SFMBT2: variants seen among roughly 807,000 people sequenced by gnomAD.
SFMBT2 encodes Scm like with four mbt domains 2, also known as scm-like with four MBT domains protein 2.
SFMBT2 carries 38 observed loss-of-function variants against 110.1 expected under a neutral mutation model. That is an observed-to-expected ratio of 0.35 (90% CI 0.27 to 0.45). The LOEUF (loss-of-function observed/expected upper bound fraction) is 0.45. SFMBT2 is among the 20% of genes least tolerant of loss of function. SFMBT2 has a pLI of 1.00. For missense variants in SFMBT2, 1,011 were observed against 1,094.9 expected (o/e 0.92, Z 1.08); for synonymous variants, 425 against 425.4 (o/e 1.00, Z 0.01).
intron 16 of SFMBT2, among the ~76,000 whole-genome samples, chr10:7,187,046 G>A (rs1838437376): frequency 6.6e-6 from 1 of 152,196 alleles, no homozygotes; most frequent in South Asian, 2.1e-4. Context: ...TATCAGGCTG[G>A]ATTTAATAAA....
intron 15 of SFMBT2, among the ~76,000 whole-genome samples, chr10:7,190,868 T>C (rs1180658491): frequency 1.3e-5 from 2 of 149,558 alleles, no homozygotes; most frequent in East Asian, 1.9e-4. Context: ...ATAATTCCCA[T>C]GTGTTGTGGG....
At chr10:7,226,231 G>C (rs151046001) in intron 10 of SFMBT2, among the ~76,000 whole-genome samples, 2 of 152,214 alleles carry the variant, frequency 1.3e-5, no homozygotes, top group Admixed American at 1.3e-4. Flanking sequence ...GAGAGAACTC[G>C]ACTGAGATTT....
At position 7,268,519 on chromosome 10, in the gene SFMBT2, T is replaced by C. The variant is rs935415118; in HGVS notation, c.870+8373A>G. Among the ~76,000 whole-genome samples, 10 of 152,176 alleles carry C rather than the reference T, an allele frequency of 6.6e-5. No individual in the cohort carries two copies. The South Asian group carries it at 2.1e-3, about 32-fold the overall frequency. ...GTCAAAGAAAGGTTTTATCTAATTT[T>C]TTTTTTTTTGAGACAGAGTCTCGCT... On this transcript the variant is annotated intron_variant, in intron 7 of 20. Coordinates refer to ENST00000397167, the MANE Select transcript of SFMBT2 (RefSeq NM_001387889.1).
chr10:7,321,358 C>A (rs566763679), intron 4 of SFMBT2, among the ~76,000 whole-genome samples: 11 of 152,112 alleles, frequency 7.2e-5, no homozygotes, highest in Admixed American at 7.2e-4. Flanking sequence ...CCCGCCAACA[C>A]GCCCGGCTAA....
At chr10:7,319,721 A>T (rs907834787) in intron 4 of SFMBT2, among the ~76,000 whole-genome samples, 2 of 151,480 alleles carry the variant, frequency 1.3e-5, no homozygotes, top group African/African-American at 4.9e-5. Context: ...ACTGAAAGAG[A>T]CAGAGAGAGA....
At chr10:7,228,740 C>CTT (rs1840011388) in intron 9 of SFMBT2, among the ~76,000 whole-genome samples, 13 of 32,694 alleles carry the variant, frequency 4.0e-4, no homozygotes, top group East Asian at 3.5e-3. Context: ...TCTTTCCTTT[C>CTT]TCTCTCTCTC....
At chr10:7,387,702 G>A (rs527877164) in intron 1 of SFMBT2, among the ~76,000 whole-genome samples, 23 of 151,662 alleles carry the variant, frequency 1.5e-4, no homozygotes, top group Admixed American at 6.6e-4. Context: ...AGGCTGAAGC[G>A]GGCAGATCAC....
At chr10:7,226,196 G>C (rs1019594405) in intron 10 of SFMBT2, among the ~76,000 whole-genome samples, 6 of 152,202 alleles carry the variant, frequency 3.9e-5, no homozygotes, top group African/African-American at 1.2e-4. Context: ...CAGGTGCCAG[G>C]CAGGCTCCAA....
intron 9 of SFMBT2, among the ~76,000 whole-genome samples, chr10:7,234,270 C>T (rs1432035151): frequency 6.6e-6 from 1 of 151,764 alleles, no homozygotes; most frequent in Non-Finnish European, 1.5e-5. Context: ...ATAATATAAG[C>T]ACTAGCCCTA....
In SFMBT2 at chr10:7,385,771, G is replaced by A. The variant is rs377042711; in HGVS notation, c.-51-3822C>T. On this transcript the variant is annotated intron_variant, in intron 1 of 20. Transcript: ENST00000397167. ...TCCCAGCACTTTGGGAGGCCGAGGC[G>A]GGCGGATCACGAGGTCAGGAGATCA... Among the ~76,000 whole-genome samples the A allele has an allele frequency of 8.4e-3, 1,283 of 152,156 alleles. 10 individuals carry two copies. Among genetic ancestry groups the A allele is most frequent in the Middle Eastern group, 0.037 (11 of 294 alleles).
intron 6 of SFMBT2, among the ~76,000 whole-genome samples, chr10:7,282,241 A>G (rs1213503113): frequency 2.0e-5 from 3 of 152,274 alleles, no homozygotes; most frequent in Non-Finnish European, 1.5e-5. Context: ...GAGACAGCTC[A>G]TAAGCGAGTA....
intron 1 of SFMBT2, among the ~76,000 whole-genome samples, chr10:7,383,523 C>A (rs1415746055): frequency 2.6e-5 from 4 of 152,116 alleles, no homozygotes; most frequent in African/African-American, 9.7e-5. Context: ...ACGTACTATA[C>A]CAGACACTGT....
intron 4 of SFMBT2, among the ~76,000 whole-genome samples, chr10:7,319,717 A>G (rs1390777745): frequency 6.6e-6 from 1 of 151,432 alleles, no homozygotes; most frequent in African/African-American, 2.4e-5. Context: ...ATAGACTGAA[A>G]GAGACAGAGA....
chr10:7,233,084 C>G (rs1026744937), intron 9 of SFMBT2, among the ~76,000 whole-genome samples: 1 of 152,136 alleles, frequency 6.6e-6, no homozygotes, highest in South Asian at 2.1e-4. Flanking sequence ...CTCTTCTATC[C>G]TGGGTGGCTA....
chr10:7,319,183 G>A (rs1384817010), intron 4 of SFMBT2, among the ~76,000 whole-genome samples: 9 of 152,206 alleles, frequency 5.9e-5, no homozygotes, highest in African/African-American at 1.4e-4. Flanking sequence ...ACGTAAGTCC[G>A]CTGGCAAGGA....
chr10:7,203,202 G>C, intron 12 of SFMBT2: 1 of 804,550 alleles, frequency 1.2e-6, no homozygotes, highest in Non-Finnish European at 1.5e-6. Flanking sequence ...AGCTGCTAGA[G>C]TCTGGCAGGT....
At position 7,250,378 on chromosome 10, in the gene SFMBT2, C is replaced by T. The variant is rs886796460; in HGVS notation, c.871-1729G>A. Among the ~76,000 whole-genome samples, 81 of 152,046 alleles carry T rather than the reference C, an allele frequency of 5.3e-4. 1 individual carries two copies. The highest frequency in any genetic ancestry group is 3.3e-4 in the Admixed American group (5 of 15,238). On this transcript the variant is annotated intron_variant, in intron 7 of 20. Transcript: ENST00000397167. ...TCCTGCATTAGTTTGCTAACAATAGCGGCCTTCAGCTCCATCCATGTTGCT... is the reference window on the plus strand; with the variant it reads ...TCCTGCATTAGTTTGCTAACAATAGTGGCCTTCAGCTCCATCCATGTTGCT...
rs964099471 is a variant in SFMBT2 at position 7,172,264 on chromosome 10, G to A, written c.2152-106C>T. The A allele has an allele frequency of 6.8e-6, 10 of 1,463,530 alleles. No individual in the cohort carries two copies. Among genetic ancestry groups the A allele is most frequent in the South Asian group, 4.3e-5 (3 of 70,510 alleles). 90.7% of individuals were successfully genotyped at this position (1,463,530 alleles called of 1,614,324 possible). A position where few individuals can be genotyped will look rare whatever the true frequency, so the allele number is the denominator to read the frequency against. The stretch of plus-strand genomic sequence containing the variant: ...AGTGCAGACCACCTAGCAAACCCTC[G>A]GAAATGGAGCCAGTGGTCCCACCCG... On this transcript the variant is annotated intron_variant, in intron 18 of 20. Coordinates refer to ENST00000397167, the MANE Select transcript of SFMBT2 (RefSeq NM_001387889.1). This position sits in a 1 kb window ranked among gnomAD's most constrained non-coding sequence, Gnocchi z 4.6.
At chr10:7,361,367 G>A (rs111567574) in intron 4 of SFMBT2, among the ~76,000 whole-genome samples, 2 of 152,274 alleles carry the variant, frequency 1.3e-5, no homozygotes, top group African/African-American at 4.8e-5. Context: ...CCACAGTTGA[G>A]CCATGTCACA....
Sources: gnomAD v4.1 joint callset for allele counts (sites outside exome capture counted in the v4.1 genomes callset) on GRCh38, gnomAD v4.1.1 for gene constraint, Gnocchi (gnomAD v3.1) non-coding constraint, MANE v1.5 for transcripts, NCBI Gene and HGNC (gene_info 2026-07-23, HGNC 2026-07-21) for gene names.